The following VIPR2 variants were observed in gnomAD, a reference collection of about 807,000 sequenced individuals.
VIPR2 encodes the protein vasoactive intestinal peptide receptor 2, also known as vasoactive intestinal polypeptide receptor 2.
In VIPR2, 48 loss-of-function variants were observed where a neutral mutation model predicts 58.0. The ratio of observed to expected loss-of-function variants is 0.83; its 90% CI spans 0.66 to 1.05. The LOEUF (loss-of-function observed/expected upper bound fraction) is 1.05, where lower values mean the gene tolerates loss of function less well. Among genes scored for constraint, VIPR2 ranks in the 50% least tolerant of loss-of-function variants. The pLI is 0.00. For missense variants in VIPR2, 534 were observed against 558.0 expected (o/e 0.96, Z 0.43); for synonymous variants, 243 against 235.2 (o/e 1.03, Z -0.30).
At chr7:159,061,902 C>A (rs1475157141) in intron 4 of VIPR2, among the ~76,000 whole-genome samples, 1 of 152,112 alleles carries the variant, frequency 6.6e-6, no homozygotes, top group Admixed American at 6.5e-5. Flanking sequence ...GCGGGAGAAG[C>A]CTGCCGCTCT....
intron 2 of VIPR2, among the ~76,000 whole-genome samples, chr7:159,135,879 G>A (rs1014110384): frequency 1.3e-5 from 2 of 152,106 alleles, no homozygotes; most frequent in South Asian, 2.1e-4. Flanking sequence ...TCAGCCGGAC[G>A]GTTTAATTTC....
At chr7:159,103,966 G>A in intron 3 of VIPR2, 112 bp from the exon 4 acceptor site, 1 of 879,146 alleles carries the variant, frequency 1.1e-6, no homozygotes, top group Non-Finnish European at 1.8e-6. Context: ...CACACCCAGG[G>A]GTCAGCTAGG....
chr7:159,041,463 T>C (rs1220009794), intron 6 of VIPR2, among the ~76,000 whole-genome samples: 2 of 124,332 alleles, frequency 1.6e-5, no homozygotes, highest in East Asian at 2.8e-4. Context: ...CTGTCAAGGG[T>C]CTGTTGCGGG....
intron 5 of VIPR2, 88 bp downstream of exon 5, chr7:159,058,393 G>T: frequency 9.6e-7 from 1 of 1,039,650 alleles, no homozygotes; most frequent in Non-Finnish European, 1.5e-6. Flanking sequence ...CACACAGAGG[G>T]CTCCAGGCTG....
intron 2 of VIPR2, among the ~76,000 whole-genome samples, chr7:159,110,426 T>TA (rs1795953057): frequency 1.3e-5 from 2 of 152,250 alleles, no homozygotes. Flanking sequence ...ATGCATAGCT[T>TA]AAACATTTTT....
At chr7:159,130,483 A>C (rs1796857087) in intron 2 of VIPR2, among the ~76,000 whole-genome samples, 1 of 151,632 alleles carries the variant, frequency 6.6e-6, no homozygotes, top group Admixed American at 6.5e-5. Flanking sequence ...GTCTGACACC[A>C]TGGCTCCACC....
chr7:159,086,625 C>G (rs899793631), intron 4 of VIPR2, among the ~76,000 whole-genome samples: 1 of 152,248 alleles, frequency 6.6e-6, no homozygotes, highest in Non-Finnish European at 1.5e-5. Context: ...TGCTCTTCCT[C>G]TTTACATGGG....
chr7:159,061,762 A>T (rs1006712227), intron 4 of VIPR2, among the ~76,000 whole-genome samples: 1 of 152,212 alleles, frequency 6.6e-6, no homozygotes, highest in African/African-American at 2.4e-5. Context: ...AAAGCGGGAG[A>T]AGCCGACAGA....
intron 4 of VIPR2, among the ~76,000 whole-genome samples, chr7:159,084,889 C>A (rs147003825): frequency 6.2e-4 from 94 of 152,292 alleles, no homozygotes; most frequent in African/African-American, 2.1e-3. Flanking sequence ...GAAACCATAA[C>A]CTATTTTTGT....
intron 2 of VIPR2, among the ~76,000 whole-genome samples, chr7:159,111,494 A>G (rs1795998787): frequency 1.3e-5 from 2 of 152,080 alleles, no homozygotes; most frequent in South Asian, 4.2e-4. Flanking sequence ...AGCCTGGCCA[A>G]CATGGTGAAA....
intron 4 of VIPR2, among the ~76,000 whole-genome samples, chr7:159,087,185 A>G (rs2129495148): frequency 6.6e-6 from 1 of 151,298 alleles, no homozygotes; most frequent in South Asian, 2.1e-4. Flanking sequence ...GGACTCGGAT[A>G]GTGAGATATG....
At chr7:159,142,361 T>G (rs1585580462) in intron 2 of VIPR2, 85 bp downstream of exon 2, 21 of 888,638 alleles carry the variant, frequency 2.4e-5, no homozygotes, top group Middle Eastern at 2.4e-4. Context: ...AAGATGCAGG[T>G]GGTGACCCTG....
chr7:159,043,789 C>T (rs144758427), intron 5 of VIPR2, among the ~76,000 whole-genome samples: 32 of 152,270 alleles, frequency 2.1e-4, no homozygotes, highest in African/African-American at 7.2e-4. Flanking sequence ...TAAGATTCCG[C>T]GGGCTGAGAA....
intron 4 of VIPR2, 59 bp from the exon 5 acceptor site, chr7:159,058,637 G>C: frequency 7.7e-7 from 1 of 1,293,884 alleles, no homozygotes; most frequent in African/African-American, 1.4e-5. Flanking sequence ...CAGACAACAG[G>C]AATGGTTCCA....
At chr7:159,037,688 G>A (rs1231408818) in intron 6 of VIPR2, among the ~76,000 whole-genome samples, 2 of 152,148 alleles carry the variant, frequency 1.3e-5, no homozygotes, top group Non-Finnish European at 2.9e-5. Context: ...GGAAAGAATT[G>A]CATTATTATA....
Position 159,098,965 on chromosome 7 carries a change from C to T in VIPR2, c.357+4792G>A, listed in dbSNP as rs553268208. 2.0e-5 allele frequency among the ~76,000 whole-genome samples: 3 copies of T among 152,204 alleles called. No homozygotes were observed. Among genetic ancestry groups the T allele is most frequent in the South Asian group, 2.1e-4 (1 of 4,820 alleles). ...CCCTGCGCTCGCCGGTGGGCAGAGCCGGCCCAGGACCGTGCATGTCCACCC... is the reference window on the plus strand; with the variant it reads ...CCCTGCGCTCGCCGGTGGGCAGAGCTGGCCCAGGACCGTGCATGTCCACCC... On this transcript the variant is annotated intron_variant, in intron 4 of 12. Transcript: ENST00000262178. This position sits in a 1 kb window ranked among gnomAD's most constrained non-coding sequence, Gnocchi z 5.2.
intron 5 of VIPR2, 46 bp from the exon 6 acceptor site, chr7:159,043,222 A>G: frequency 4.6e-6 from 5 of 1,097,672 alleles, no homozygotes; most frequent in Admixed American, 2.1e-5. Context: ...GGGGAAGGGG[A>G]GGGAGGGAGA....
intron 4 of VIPR2, among the ~76,000 whole-genome samples, chr7:159,087,417 C>T (rs1857239551): frequency 9.4e-6 from 1 of 106,580 alleles, no homozygotes; most frequent in Non-Finnish European, 1.9e-5. Flanking sequence ...TCTGCCAGGA[C>T]TCTGATAGTG....
chr7:159,088,430 C>T (rs117647886), intron 4 of VIPR2, among the ~76,000 whole-genome samples: 5,129 of 152,248 alleles, frequency 0.034, 125 homozygotes, highest in Middle Eastern at 0.068. Flanking sequence ...CATGCTGCAG[C>T]ACACCTGTAC....
Sources: gnomAD v4.1 joint callset for allele counts (sites outside exome capture counted in the v4.1 genomes callset) on GRCh38, gnomAD v4.1.1 for gene constraint, Gnocchi (gnomAD v3.1) non-coding constraint, MANE v1.5 for transcripts, NCBI Gene and HGNC (gene_info 2026-07-23, HGNC 2026-07-21) for gene names.